The following ADK variants were observed in gnomAD, a reference collection of about 807,000 sequenced individuals.
The protein encoded by ADK is N6,N6-dimethyladenosine kinase.
Under a neutral mutation model 44.7 loss-of-function variants are expected in ADK, and 24 were observed. The observed-to-expected ratio is 0.54, with a 90% CI of 0.39 to 0.76. ADK has a LOEUF of 0.76. Among genes scored for constraint, ADK ranks in the 30% least tolerant of loss-of-function variants. The pLI is 0.00. For missense variants in ADK, 321 were observed against 425.1 expected (o/e 0.76, Z 2.15); for synonymous variants, 128 against 142.6 (o/e 0.90, Z 0.73).
chr10:74,584,357 A>C (rs1851462842), intron 7 of ADK, among the ~76,000 whole-genome samples: 1 of 152,198 alleles, frequency 6.6e-6, no homozygotes, highest in Non-Finnish European at 1.5e-5. Context: ...TTATTGATGA[A>C]GAAATTGATG....
chr10:74,314,515 T>C (rs1840550516), intron 3 of ADK, 152 bp from the exon 4 acceptor site: 2 of 622,384 alleles, frequency 3.2e-6, no homozygotes, highest in African/African-American at 3.7e-5. Flanking sequence ...TTAGTATTTT[T>C]GTTATAAGAT....
intron 6 of ADK, among the ~76,000 whole-genome samples, chr10:74,457,362 C>A (rs1190021806): frequency 1.3e-5 from 2 of 152,168 alleles, no homozygotes; most frequent in Non-Finnish European, 2.9e-5. Flanking sequence ...AAAAAAAGCC[C>A]AGGACCAGAT....
At chr10:74,339,084 G>A (rs952240798) in intron 4 of ADK, among the ~76,000 whole-genome samples, 2 of 152,120 alleles carry the variant, frequency 1.3e-5, no homozygotes, top group Non-Finnish European at 2.9e-5. Flanking sequence ...CTCCCAGGTA[G>A]CTAGGACTAT....
intron 6 of ADK, among the ~76,000 whole-genome samples, chr10:74,517,550 G>A (rs564464520): frequency 3.3e-4 from 50 of 151,942 alleles, no homozygotes; most frequent in African/African-American, 7.2e-4. Flanking sequence ...CTAGCTGGGC[G>A]TCGTGGTGCA....
At chr10:74,298,348 C>T (rs1839887754) in intron 3 of ADK, among the ~76,000 whole-genome samples, 1 of 152,094 alleles carries the variant, frequency 6.6e-6, no homozygotes, top group East Asian at 1.9e-4. Context: ...GAGCTATTTA[C>T]TAATGGTAAG....
At chr10:74,167,353 G>C (rs1246542850) in intron 1 of ADK, among the ~76,000 whole-genome samples, 1 of 152,162 alleles carries the variant, frequency 6.6e-6, no homozygotes, top group African/African-American at 2.4e-5. Context: ...CCAAAATTTG[G>C]TGGCTTAAAA....
intron 3 of ADK, among the ~76,000 whole-genome samples, chr10:74,279,163 C>T (rs1303104451): frequency 2.0e-5 from 3 of 152,056 alleles, no homozygotes; most frequent in Non-Finnish European, 4.4e-5. Flanking sequence ...CCTGTAATCC[C>T]AGCTACTCGG....
At chr10:74,457,277 C>T (rs188335110) in intron 6 of ADK, among the ~76,000 whole-genome samples, 2 of 152,256 alleles carry the variant, frequency 1.3e-5, no homozygotes, top group East Asian at 3.9e-4. Flanking sequence ...CAAGACTAAA[C>T]CAGGAGGAAG....
chr10:74,427,096 T>C (rs1338905419), intron 6 of ADK, among the ~76,000 whole-genome samples: 1 of 152,120 alleles, frequency 6.6e-6, no homozygotes, highest in African/African-American at 2.4e-5. Context: ...GGAGGACAGA[T>C]TTATGAACAC....
intron 6 of ADK, among the ~76,000 whole-genome samples, chr10:74,414,734 G>A (rs1011159967): frequency 6.6e-6 from 1 of 152,050 alleles, no homozygotes; most frequent in Non-Finnish European, 1.5e-5. Context: ...AGAAAGAAAA[G>A]TGTGATTACA....
At chr10:74,593,278 C>T (rs1851781387) in intron 8 of ADK, among the ~76,000 whole-genome samples, 1 of 152,154 alleles carries the variant, frequency 6.6e-6, no homozygotes, top group Non-Finnish European at 1.5e-5. Flanking sequence ...AGCTAGTCTT[C>T]TAATTCTCTT....
intron 4 of ADK, among the ~76,000 whole-genome samples, chr10:74,329,106 C>CA (rs138730631): frequency 0.014 from 1,176 of 82,068 alleles, 24 homozygotes; most frequent in South Asian, 0.053. Context: ...TCTGTGCAGG[C>CA]AAAAAAAAAA....
intron 10 of ADK, among the ~76,000 whole-genome samples, chr10:74,679,264 TA>T (rs572891185): frequency 7.8e-4 from 119 of 152,292 alleles, no homozygotes; most frequent in African/African-American, 2.8e-3. Flanking sequence ...GTCTATGACA[TA>T]AGAGTTTTCA....
chr10:74,556,202 A>G (rs1214447378), intron 7 of ADK, among the ~76,000 whole-genome samples: 9 of 152,184 alleles, frequency 5.9e-5, no homozygotes, highest in Non-Finnish European at 8.8e-5. Context: ...TTACATGCCC[A>G]TTTGCTCTCC....
intron 9 of ADK, among the ~76,000 whole-genome samples, chr10:74,618,304 A>G (rs991980489): frequency 7.3e-4 from 105 of 144,534 alleles, no homozygotes; most frequent in African/African-American, 2.7e-3. Context: ...TTTTCTTCTC[A>G]TTTAGCTTCT....
intron 6 of ADK, 35 bp from the exon 7 acceptor site, chr10:74,525,221 T>C (rs778146120): frequency 6.3e-7 from 1 of 1,590,038 alleles, no homozygotes; most frequent in Non-Finnish European, 8.6e-7. Context: ...GTGGAGATGG[T>C]ATTTCTAATT....
chr10:74,528,229 C>T lies in ADK; in HGVS notation c.726+2803C>T, dbSNP rs934339141. On this transcript the variant is annotated intron_variant, in intron 7 of 10. Transcript: ENST00000539909. ...TGCAAAAATGGATAAGTAAAAATCT[C>T]GATGTAAATTGTATCAATGAATATG... The T allele has an allele frequency of 1.2e-5, 5 of 412,668 alleles. No homozygotes were observed. The South Asian group carries it at 2.6e-4, about 21-fold the overall frequency. 25.6% of individuals were successfully genotyped at this position (412,668 alleles called of 1,614,324 possible).
At chr10:74,388,124 C>CT (rs1378704421) in intron 4 of ADK, among the ~76,000 whole-genome samples, 3 of 152,140 alleles carry the variant, frequency 2.0e-5, no homozygotes, top group African/African-American at 7.2e-5. Context: ...TTTGGCTGGT[C>CT]TTGAACTCCC....
chr10:74,586,962 T>A (rs1259245463), intron 7 of ADK, among the ~76,000 whole-genome samples: 1 of 152,050 alleles, frequency 6.6e-6, no homozygotes, highest in Non-Finnish European at 1.5e-5. Flanking sequence ...TTTCTTATAT[T>A]TGAGCAAAAC....
Sources: gnomAD v4.1 joint callset for allele counts (sites outside exome capture counted in the v4.1 genomes callset) on GRCh38, gnomAD v4.1.1 for gene constraint, MANE v1.5 for transcripts, NCBI Gene and HGNC (gene_info 2026-07-23, HGNC 2026-07-21) for gene names.